The following CERS6 variants were observed in gnomAD, a reference collection of about 807,000 sequenced individuals.
CERS6 encodes the protein ceramide synthase 6.
CERS6 carries 26 observed loss-of-function variants against 56.8 expected under a neutral mutation model. The ratio of observed to expected loss-of-function variants is 0.46; its 90% CI spans 0.34 to 0.63. The LOEUF (loss-of-function observed/expected upper bound fraction) is 0.63. CERS6 is among the 30% of genes least tolerant of loss of function. CERS6 has a pLI of 0.01. For missense variants in CERS6, 415 were observed against 467.5 expected (o/e 0.89, Z 1.04); for synonymous variants, 164 against 173.3 (o/e 0.95, Z 0.42).
At chr2:168,592,433 A>C (rs1683694389) in intron 3 of CERS6, among the ~76,000 whole-genome samples, 1 of 152,184 alleles carries the variant, frequency 6.6e-6, no homozygotes, top group Non-Finnish European at 1.5e-5. Context: ...GGAAGCCAGC[A>C]GCAGAACCTT....
intron 1 of CERS6, among the ~76,000 whole-genome samples, chr2:168,490,423 A>G (rs1227263122): frequency 1.3e-5 from 2 of 152,168 alleles, no homozygotes; most frequent in Non-Finnish European, 2.9e-5. Context: ...GCTCCAGGAC[A>G]TAGCTGCCAG....
chr2:168,566,641 A>G (rs530439590), intron 3 of CERS6, among the ~76,000 whole-genome samples: 3 of 152,306 alleles, frequency 2.0e-5, no homozygotes, highest in African/African-American at 7.2e-5. Context: ...CTTCATGGAA[A>G]GTGGAGCCTA....
At chr2:168,733,513 C>T (rs1040370122) in intron 8 of CERS6, among the ~76,000 whole-genome samples, 14 of 152,168 alleles carry the variant, frequency 9.2e-5, no homozygotes, top group African/African-American at 3.4e-4. Context: ...CATCTGAAAA[C>T]TTCTTGGCAG....
intron 4 of CERS6, among the ~76,000 whole-genome samples, chr2:168,667,333 A>G (rs1365800178): frequency 6.6e-6 from 1 of 152,160 alleles, no homozygotes; most frequent in Non-Finnish European, 1.5e-5. Context: ...TAAAGTGGCC[A>G]TTGTGTTCTG....
At chr2:168,489,358 T>C (rs1225433231) in intron 1 of CERS6, among the ~76,000 whole-genome samples, 1 of 152,172 alleles carries the variant, frequency 6.6e-6, no homozygotes, top group African/African-American at 2.4e-5. Context: ...TAAGTGTGAC[T>C]ATTTTTGAGC....
At chr2:168,464,174 T>TTTTGTGTGTGTG (rs766821494) in intron 1 of CERS6, among the ~76,000 whole-genome samples, 8 of 139,696 alleles carry the variant, frequency 5.7e-5, no homozygotes, top group African/African-American at 2.2e-4. Flanking sequence ...TTTATACTTT[T>TTTTGTGTGTGTG]TGTGTGTGTG....
intron 3 of CERS6, among the ~76,000 whole-genome samples, chr2:168,597,165 C>A (rs1683820751): frequency 6.6e-6 from 1 of 152,098 alleles, no homozygotes; most frequent in Non-Finnish European, 1.5e-5. Context: ...AGACCTGGAG[C>A]CAGTGAACAA....
chr2:168,588,980 T>C (rs1683610980), intron 3 of CERS6, among the ~76,000 whole-genome samples: 1 of 152,212 alleles, frequency 6.6e-6, no homozygotes, highest in Admixed American at 6.5e-5. Context: ...GCTCAGGCAG[T>C]CTGCCTGCCT....
intron 4 of CERS6, among the ~76,000 whole-genome samples, chr2:168,670,125 C>T (rs1685870899): frequency 6.6e-6 from 1 of 152,096 alleles, no homozygotes; most frequent in Admixed American, 6.5e-5. Flanking sequence ...AAAATTCTTG[C>T]TCTTTTTGAC....
intron 3 of CERS6, among the ~76,000 whole-genome samples, chr2:168,629,650 C>G (rs1684666502): frequency 6.6e-6 from 1 of 152,138 alleles, no homozygotes; most frequent in Non-Finnish European, 1.5e-5. Context: ...AGCATTAAAT[C>G]AAGCATGAAG....
chr2:168,543,953 T>A (rs1194942828), intron 1 of CERS6, among the ~76,000 whole-genome samples: 1 of 152,156 alleles, frequency 6.6e-6, no homozygotes, highest in Non-Finnish European at 1.5e-5. Flanking sequence ...GAAATTAAAA[T>A]GCAAAGCCCC....
At chr2:168,728,460 G>A (rs191264135) in intron 8 of CERS6, among the ~76,000 whole-genome samples, 29 of 146,918 alleles carry the variant, frequency 2.0e-4, no homozygotes, top group African/African-American at 7.1e-4. Context: ...CGCGATCTCG[G>A]CTCACTGCAA....
At chr2:168,552,197 T>A (rs1262763172) in intron 2 of CERS6, among the ~76,000 whole-genome samples, 2 of 152,160 alleles carry the variant, frequency 1.3e-5, no homozygotes, top group African/African-American at 4.8e-5. Flanking sequence ...TGGTTAAGAT[T>A]AATGTTATTA....
chr2:168,560,486 C>T (rs554611577), intron 2 of CERS6, among the ~76,000 whole-genome samples: 2 of 152,232 alleles, frequency 1.3e-5, no homozygotes, highest in Admixed American at 1.3e-4. Flanking sequence ...TGAACAAGTG[C>T]CTATCATTTC....
chr2:168,552,371 C>CAA (rs1695590421), intron 2 of CERS6, among the ~76,000 whole-genome samples: 1 of 119,416 alleles, frequency 8.4e-6, no homozygotes, highest in African/African-American at 2.8e-5. Flanking sequence ...CACACACACA[C>CAA]ACACACACAC....
At chr2:168,660,197 G>A (rs1207294903) in intron 4 of CERS6, among the ~76,000 whole-genome samples, 3 of 152,172 alleles carry the variant, frequency 2.0e-5, no homozygotes, top group Non-Finnish European at 4.4e-5. Context: ...AGCTCTATGG[G>A]CACTGCCATC....
At chr2:168,598,375 G>A (rs13428465) in intron 3 of CERS6, among the ~76,000 whole-genome samples, 1 of 151,972 alleles carries the variant, frequency 6.6e-6, no homozygotes, top group Non-Finnish European at 1.5e-5. Flanking sequence ...ACGTGGCATA[G>A]TAATTAACCA....
intron 1 of CERS6, among the ~76,000 whole-genome samples, chr2:168,464,772 A>C (rs1284598108): frequency 6.6e-6 from 1 of 152,162 alleles, no homozygotes; most frequent in Non-Finnish European, 1.5e-5. Context: ...CATGTCAAAA[A>C]AACCAAACAA....
At chr2:168,721,572 A>AC (rs1559067168) in intron 8 of CERS6, among the ~76,000 whole-genome samples, 23 of 98,240 alleles carry the variant, frequency 2.3e-4, no homozygotes, top group East Asian at 7.3e-4. Flanking sequence ...TTTTGTTTAA[A>AC]AAAAACCAAA....
Sources: gnomAD v4.1 joint callset for allele counts (sites outside exome capture counted in the v4.1 genomes callset) on GRCh38, gnomAD v4.1.1 for gene constraint, MANE v1.5 for transcripts, NCBI Gene and HGNC (gene_info 2026-07-23, HGNC 2026-07-21) for gene names.